Variants in FAM53B observed in about 807,000 individuals in gnomAD.
FAM53B encodes family with sequence similarity 53 member B.
A neutral mutation model predicts 32.7 loss-of-function variants in FAM53B; 12 were observed. The ratio of observed to expected loss-of-function variants is 0.37; its 90% CI spans 0.24 to 0.59. The LOEUF (loss-of-function observed/expected upper bound fraction) is 0.59, where lower values mean the gene tolerates loss of function less well. Among genes scored for constraint, FAM53B ranks in the 20% least tolerant of loss-of-function variants. FAM53B has a pLI of 0.72. For synonymous variants in FAM53B, 234 were observed against 228.7 expected, an observed-to-expected ratio of 1.02 and a Z score of -0.21; for missense variants, 477 against 577.7, an observed-to-expected ratio of 0.83 and a Z score of 1.79.
rs867497106 is a variant in FAM53B at position 124,712,663 on chromosome 10, C to T, written c.-174-5776G>A. 1.6e-4 allele frequency among the ~76,000 whole-genome samples: 24 copies of T among 152,246 alleles called. No homozygotes were observed. In the South Asian group the frequency reaches 1.9e-3, roughly 12 times the overall value. Reference sequence around the variant, plus strand: ...CCTGGGCAGTGCTCATGATAGTGGGCCTCCAGCCTGCTTCCATACACAGCT... The same window carrying T: ...CCTGGGCAGTGCTCATGATAGTGGGTCTCCAGCCTGCTTCCATACACAGCT... On this transcript the variant is annotated intron_variant, in intron 1 of 4. Transcript: ENST00000337318.
chr10:124,708,227 C>G (rs1444703623), intron 1 of FAM53B, among the ~76,000 whole-genome samples: 1 of 152,140 alleles, frequency 6.6e-6, no homozygotes, highest in East Asian at 1.9e-4. Flanking sequence ...TTAATTGCAC[C>G]CTGGTATTTA....
intron 3 of FAM53B, among the ~76,000 whole-genome samples, chr10:124,686,217 C>G (rs1160919216): frequency 6.6e-6 from 1 of 152,190 alleles, no homozygotes; most frequent in East Asian, 1.9e-4. Flanking sequence ...CAGATAAGAT[C>G]TATATGCAGA....
At chr10:124,663,336 C>T (rs973046093) in intron 4 of FAM53B, among the ~76,000 whole-genome samples, 5 of 152,306 alleles carry the variant, frequency 3.3e-5, no homozygotes, top group African/African-American at 7.2e-5. Flanking sequence ...ACACTGCCCT[C>T]GTTCCTAGGA....
chr10:124,730,437 G>A (rs1950135423), intron 1 of FAM53B, among the ~76,000 whole-genome samples: 1 of 152,190 alleles, frequency 6.6e-6, no homozygotes, highest in Non-Finnish European at 1.5e-5. Flanking sequence ...TCCAGGCCCA[G>A]GTTCCCTCTG....
intron 4 of FAM53B, among the ~76,000 whole-genome samples, chr10:124,654,865 T>C (rs1273628330): frequency 2.0e-5 from 3 of 152,206 alleles, no homozygotes; most frequent in African/African-American, 7.2e-5. Context: ...TGTCTGTGTC[T>C]GGTCTAAGGA....
rs1329378044 is a variant in FAM53B, at chr10:124,657,162, GTATA to G, written c.906+24441_906+24444del. 8.0e-5 allele frequency among the ~76,000 whole-genome samples: 5 copies of G among 62,190 alleles called. No homozygotes were observed. In the East Asian group the frequency reaches 1.5e-3, roughly 18 times the overall value. 40.8% of individuals were successfully genotyped at this position (62,190 alleles called of 152,430 possible). ...TACATATATATGTGTATATATGTGT[GTATA>G]TATATATGTACATATATATATATAT... On this transcript the variant is annotated intron_variant, in intron 4 of 4. Transcript: ENST00000337318.
intron 4 of FAM53B, among the ~76,000 whole-genome samples, chr10:124,650,436 T>TATGGTGATG (rs1199232878): frequency 6.6e-6 from 1 of 152,110 alleles, no homozygotes; most frequent in Non-Finnish European, 1.5e-5. Flanking sequence ...TAACGGTGGT[T>TATGGTGATG]ATGGTGATGA....
At chr10:124,732,832 A>G (rs1950152970) in intron 1 of FAM53B, among the ~76,000 whole-genome samples, 1 of 151,850 alleles carries the variant, frequency 6.6e-6, no homozygotes, top group Admixed American at 6.6e-5. Context: ...TCCATCACAA[A>G]AAAAAAAAAA....
At chr10:124,711,005 C>T (rs1949998299) in intron 1 of FAM53B, among the ~76,000 whole-genome samples, 1 of 152,192 alleles carries the variant, frequency 6.6e-6, no homozygotes, top group Non-Finnish European at 1.5e-5. Context: ...TATGTTCACA[C>T]ACAAATGTTT....
chr10:124,643,512 G>A (rs1406899753), intron 4 of FAM53B, among the ~76,000 whole-genome samples: 2 of 152,250 alleles, frequency 1.3e-5, no homozygotes, highest in Non-Finnish European at 2.9e-5. Context: ...TCGTCGCCCG[G>A]GCCCGGCCGC....
chr10:124,635,094 T>C (rs1271666454), intron 4 of FAM53B, among the ~76,000 whole-genome samples: 1 of 152,138 alleles, frequency 6.6e-6, no homozygotes, highest in Non-Finnish European at 1.5e-5. Flanking sequence ...TATTTTTTAT[T>C]TTTATTTTTG....
At chr10:124,734,853 C>T (rs937429601) in intron 1 of FAM53B, among the ~76,000 whole-genome samples, 1 of 152,230 alleles carries the variant, frequency 6.6e-6, no homozygotes, top group East Asian at 1.9e-4. Flanking sequence ...AGGGAATAGG[C>T]GTGTCAGGAG....
At chr10:124,724,623 G>A (rs1208429408) in intron 1 of FAM53B, among the ~76,000 whole-genome samples, 1 of 152,224 alleles carries the variant, frequency 6.6e-6, no homozygotes, top group Non-Finnish European at 1.5e-5. Context: ...GATTCTAAGA[G>A]GTCGTCCCAA....
At chr10:124,680,243 C>A (rs1009603043) in intron 4 of FAM53B, among the ~76,000 whole-genome samples, 15 of 152,328 alleles carry the variant, frequency 9.8e-5, no homozygotes, top group South Asian at 2.1e-4. Flanking sequence ...CTGCCCCACA[C>A]CCCTTCAGGC....
At chr10:124,714,331 A>G (rs1429820161) in intron 1 of FAM53B, 10 of 152,118 alleles carry the variant, frequency 6.6e-5, no homozygotes. Flanking sequence ...TTCAGGACCC[A>G]CGAATGTGCA....
intron 4 of FAM53B, among the ~76,000 whole-genome samples, chr10:124,661,911 T>C (rs1461652644): frequency 2.0e-5 from 3 of 152,232 alleles, no homozygotes; most frequent in Admixed American, 6.5e-5. Flanking sequence ...GATGACGTCA[T>C]GTGAGATCCC....
At chr10:124,629,358 C>T (rs997175803) in intron 4 of FAM53B, among the ~76,000 whole-genome samples, 2 of 152,274 alleles carry the variant, frequency 1.3e-5, no homozygotes, top group African/African-American at 4.8e-5. Flanking sequence ...TGTGCCACTG[C>T]TCCTCATGGC....
At position 124,733,598 on chromosome 10, in the gene FAM53B, G is replaced by C. The variant is rs17708711; in HGVS notation, c.-175+10415C>G. Among the ~76,000 whole-genome samples, 2,191 of 152,312 alleles carry C rather than the reference G, an allele frequency of 0.014. 24 individuals are homozygous for C. Among genetic ancestry groups the C allele is most frequent in the South Asian group, 0.067 (324 of 4,828 alleles). ...CAACGCCAGAACTTTGACTTCTTTA[G>C]TTCCAGCGCAGCACAGACAAGAAGT... On this transcript the variant is annotated intron_variant, in intron 1 of 4. Coordinates refer to ENST00000337318, the MANE Select transcript of FAM53B (RefSeq NM_014661.4). This position sits in a 1 kb window ranked among gnomAD's most constrained non-coding sequence, Gnocchi z 4.3.
At position 124,672,327 on chromosome 10, in the gene FAM53B, C is replaced by A. The variant is rs142571825; in HGVS notation, c.906+9280G>T. 2.4e-3 allele frequency among the ~76,000 whole-genome samples: 367 copies of A among 152,372 alleles called. 1 individual carries two copies. The highest frequency in any genetic ancestry group is 8.4e-3 in the African/African-American group (351 of 41,590). On this transcript the variant is annotated intron_variant, in intron 4 of 4. Transcript: ENST00000337318. ...CTGGGCTCTCAACAGCCCGCAGGCA[C>A]CATGCTAACCTCGGGCTGGGAGGGG...
Sources: allele counts gnomAD v4.1 joint callset (sites outside exome capture counted in the v4.1 genomes callset), GRCh38; gene constraint gnomAD v4.1.1; non-coding constraint Gnocchi (gnomAD v3.1); transcripts MANE v1.5; gene names NCBI Gene and HGNC (gene_info 2026-07-23, HGNC 2026-07-21).